BAZ1B: variants seen among roughly 807,000 people sequenced by gnomAD.
BAZ1B encodes tyrosine-protein kinase BAZ1B.
BAZ1B carries 22 observed loss-of-function variants against 153.8 expected under a neutral mutation model. The observed-to-expected ratio is 0.14, with a 90% CI of 0.10 to 0.20. The LOEUF is 0.20. Among genes scored for constraint, BAZ1B ranks in the 10% least tolerant of loss-of-function variants. BAZ1B has a pLI of 1.00. For synonymous variants in BAZ1B, 676 were observed against 633.4 expected (o/e 1.07, Z -1.01); for missense variants, 1,325 against 1,799.3 (o/e 0.74, Z 4.77).
Position 73,484,480 on chromosome 7 carries a change from A to G in BAZ1B, c.891+4714T>C, listed in dbSNP as rs559620976. ...ATGGCGAGACCCTGTCTCTTCAACAAATTAAAAATAAAAATTAGCTGGGCT... is the reference window on the plus strand; with the variant it reads ...ATGGCGAGACCCTGTCTCTTCAACAGATTAAAAATAAAAATTAGCTGGGCT... On this transcript the variant is annotated intron_variant, in intron 6 of 19. Coordinates refer to ENST00000339594, the MANE Select transcript of BAZ1B (RefSeq NM_032408.4). 2.0e-4 allele frequency among the ~76,000 whole-genome samples: 30 copies of G among 152,004 alleles called. No homozygotes were observed. The East Asian group carries it at 5.4e-3, about 27-fold the overall frequency.
intron 1 of BAZ1B, among the ~76,000 whole-genome samples, 200 bp from the exon 2 acceptor site, chr7:73,511,052 A>C (rs1554578512): frequency 6.6e-6 from 1 of 152,186 alleles, no homozygotes; most frequent in East Asian, 1.9e-4. Flanking sequence ...CGGGCGGATC[A>C]CGAGGTCAGA....
Position 73,498,511 on chromosome 7 carries a change from C to G in BAZ1B, c.557G>C (p.Arg186Thr). Residue 186 changes from arginine (R) to threonine (T), a missense_variant, in exon 4 of 20, where the codon AGG becomes ACG. Physicochemically the swap from Arg to Thr is moderately conservative, Grantham distance 71 (BLOSUM62 -1). This residue lies in a region of BAZ1B where 153 missense variants were observed against 204.8 expected (regional missense o/e 0.75). Transcript: ENST00000339594. ...ATCAAACATACTAATACTCTCTCTC[C>G]TTCCTTCATCCTCTTTCACAACTGT... ...KETVVKEDEG[R>T]RESINDRARR... is the part of the protein sequence containing the mutation. 2.5e-6 allele frequency: 4 copies of G among 1,613,664 alleles called. No homozygotes were observed. The highest frequency in any genetic ancestry group is 3.4e-6 in the Non-Finnish European group (4 of 1,179,654).
intron 15 of BAZ1B, 48 bp downstream of exon 15, chr7:73,449,494 C>T (rs782098674): frequency 1.3e-6 from 2 of 1,562,952 alleles, no homozygotes; most frequent in Non-Finnish European, 1.7e-6. Flanking sequence ...ATTATAACAG[C>T]TATTCATATT....
chr7:73,477,654 G>C lies in BAZ1B; in HGVS notation c.1807C>G (p.Pro603Ala). 6.2e-7 allele frequency: 1 copy of C among 1,614,190 alleles called. No individual in the cohort carries two copies. The highest frequency in any genetic ancestry group is 8.5e-7 in the Non-Finnish European group (1 of 1,180,026). ...FRLVDTPEGL[P>A]NTLFGDVAMV... ...GCCACATCCCCAAACAGCGTGTTGG[G>C]CAGCCCTTCAGGGGTATCCACCAAT... is the stretch of plus-strand genomic sequence containing the variant. Residue 603 changes from proline (P) to alanine (A), a missense_variant, in exon 7 of 20, where the codon CCC becomes GCC. By Grantham distance (27) the Pro-to-Ala change is conservative. This residue lies in a region of BAZ1B where 154 missense variants were observed against 266.3 expected (regional missense o/e 0.58). Transcript: ENST00000339594. This position sits in a 1 kb window ranked among gnomAD's most constrained non-coding sequence, Gnocchi z 5.6.
chr7:73,483,617 C>G (rs1382987022), intron 6 of BAZ1B, among the ~76,000 whole-genome samples: 1 of 152,062 alleles, frequency 6.6e-6, no homozygotes, highest in Non-Finnish European at 1.5e-5. Flanking sequence ...TACTTCTGTT[C>G]TAACCCCTAA....
intron 17 of BAZ1B, 39 bp from the exon 18 acceptor site, chr7:73,442,867 G>T: frequency 1.3e-6 from 2 of 1,487,724 alleles, no homozygotes; most frequent in African/African-American, 1.4e-5. Flanking sequence ...ACAGATTCAA[G>T]ACAGGAGGAA....
At position 73,478,035 on chromosome 7, in the gene BAZ1B, G is replaced by A. The variant is rs147976214; in HGVS notation, c.1426C>T (p.Leu476=). 6.9e-5 allele frequency: 112 copies of A among 1,614,182 alleles called. No homozygotes were observed. The East Asian group carries it at 2.1e-3, about 31-fold the overall frequency. ...KPHKHLPPAA[L]HLIAYYKENK... The stretch of plus-strand genomic sequence containing the variant: ...TCTTTGTAGTATGCAATGAGGTGTA[G>A]GGCTGCAGGAGGCAGATGTTTATGA... The change falls in exon 7 of 20, where the codon CTA becomes TTA. Residue 476 remains leucine (L), a synonymous_variant. Transcript: ENST00000339594.
intron 19 of BAZ1B, 24 bp downstream of exon 19, chr7:73,442,157 G>GTGT: frequency 2.7e-6 from 1 of 376,864 alleles, no homozygotes. Flanking sequence ...CTCCCTAGCT[G>GTGT]TCCCCCCACC....
At chr7:73,506,190 T>C (rs540217315) in intron 3 of BAZ1B, among the ~76,000 whole-genome samples, 2 of 152,242 alleles carry the variant, frequency 1.3e-5, no homozygotes, top group Non-Finnish European at 2.9e-5. Context: ...TTTAGCTATT[T>C]TGACTGGATA....
At position 73,450,299 on chromosome 7, in the gene BAZ1B, A is replaced by C. The variant is rs1382322487; in HGVS notation, c.3580+548T>G. Among the ~76,000 whole-genome samples, 1 of 152,284 alleles carries C rather than the reference A, an allele frequency of 6.6e-6. No homozygotes were observed. The highest frequency in any genetic ancestry group is 1.9e-4 in the East Asian group (1 of 5,194). On this transcript the variant is annotated intron_variant, in intron 14 of 19. Coordinates refer to ENST00000339594, the MANE Select transcript of BAZ1B (RefSeq NM_032408.4). This position sits in a 1 kb window ranked among gnomAD's most constrained non-coding sequence, Gnocchi z 4.1. ...ACTTAATATGGTAATCTCTCCTTCCAACCTTCATTCTAGAGCGATTGAACG... is the reference window on the plus strand; with the variant it reads ...ACTTAATATGGTAATCTCTCCTTCCCACCTTCATTCTAGAGCGATTGAACG...
chr7:73,487,862 T>C (rs1326170514), intron 6 of BAZ1B, among the ~76,000 whole-genome samples: 3 of 152,204 alleles, frequency 2.0e-5, no homozygotes, highest in Non-Finnish European at 4.4e-5. Flanking sequence ...ATAATAATAA[T>C]TTAAAGAGCA....
At chr7:73,460,804 A>G (rs1788367956) in intron 12 of BAZ1B, among the ~76,000 whole-genome samples, 1 of 152,198 alleles carries the variant, frequency 6.6e-6, no homozygotes, top group South Asian at 2.1e-4. Context: ...TCACTTCATC[A>G]AAATCATGCA....
intron 7 of BAZ1B, among the ~76,000 whole-genome samples, chr7:73,471,702 G>A (rs1471332410): frequency 6.6e-6 from 1 of 152,078 alleles, no homozygotes; most frequent in Non-Finnish European, 1.5e-5. Flanking sequence ...ACAATAAGAT[G>A]TAAATCTGGA....
intron 1 of BAZ1B, among the ~76,000 whole-genome samples, chr7:73,515,013 A>C (rs1554579079): frequency 6.6e-6 from 1 of 152,128 alleles, no homozygotes; most frequent in East Asian, 1.9e-4. Context: ...CGGAGGTTGC[A>C]GTGAGCCAAG....
chr7:73,489,640 C>A (rs532391888), intron 5 of BAZ1B, among the ~76,000 whole-genome samples: 2 of 152,232 alleles, frequency 1.3e-5, no homozygotes, highest in East Asian at 3.9e-4. Context: ...TATAACAAGA[C>A]CCTCTGTGTA....
At chr7:73,463,452 C>A (rs1788466225) in intron 11 of BAZ1B, among the ~76,000 whole-genome samples, 1 of 151,848 alleles carries the variant, frequency 6.6e-6, no homozygotes, top group African/African-American at 2.4e-5. Context: ...GTTGCCCAGG[C>A]TGGTCTCAAA....
intron 1 of BAZ1B, among the ~76,000 whole-genome samples, chr7:73,520,167 C>A (rs1176899981): frequency 6.6e-6 from 1 of 150,784 alleles, no homozygotes; most frequent in Non-Finnish European, 1.5e-5. Context: ...CCAGATCGTG[C>A]CACTGCACTG....
chr7:73,480,556 G>A (rs1227089682), intron 6 of BAZ1B, among the ~76,000 whole-genome samples: 3 of 152,176 alleles, frequency 2.0e-5, no homozygotes, highest in African/African-American at 4.8e-5. Flanking sequence ...TGCTTTATGT[G>A]ATTAGGGAAA....
chr7:73,520,902 G>A (rs1554580085), intron 1 of BAZ1B, among the ~76,000 whole-genome samples: 3 of 151,852 alleles, frequency 2.0e-5, no homozygotes, highest in Non-Finnish European at 2.9e-5. Context: ...TTCCGAAATC[G>A]TTTTTGTTTT....
Sources: allele counts gnomAD v4.1 joint callset (sites outside exome capture counted in the v4.1 genomes callset), GRCh38; gene constraint gnomAD v4.1.1; regional missense constraint gnomAD v4.1.1; non-coding constraint Gnocchi (gnomAD v3.1); transcripts MANE v1.5; gene names NCBI Gene and HGNC (gene_info 2026-07-23, HGNC 2026-07-21).